FCHSD1: variants seen among roughly 807,000 people sequenced by gnomAD.
FCHSD1 encodes F-BAR and double SH3 domains protein 1.
In FCHSD1, 109 loss-of-function variants were observed where a neutral mutation model predicts 101.3. The ratio of observed to expected loss-of-function variants is 1.08; its 90% CI spans 0.92 to 1.26. The LOEUF is 1.26. Ranked by LOEUF, FCHSD1 falls within the 50% of genes most tolerant of loss-of-function variation. FCHSD1 has a pLI of 0.00. For synonymous variants in FCHSD1, 291 were observed against 356.8 expected, an observed-to-expected ratio of 0.82 and a Z score of 2.08; for missense variants, 820 against 895.8, an observed-to-expected ratio of 0.92 and a Z score of 1.08.
In FCHSD1 at chr5:141,646,729, G is replaced by C; in HGVS notation, c.925-7C>G. The C allele has an allele frequency of 1.2e-6, 2 of 1,611,346 alleles. No homozygotes were observed. Among genetic ancestry groups the C allele is most frequent in the Non-Finnish European group, 1.7e-6 (2 of 1,179,398 alleles). On this transcript the variant is annotated splice_region_variant and splice_polypyrimidine_tract_variant and intron_variant, in intron 10 of 19. Transcript: ENST00000435817. ...CCCACTCCAGGACACACACCTGAAT[G>C]GGTCAGGGGGTGCTGTGAGGAGGAC...
rs1392404505 is a variant in FCHSD1 at position 141,641,561 on chromosome 5, C to T, written c.2010G>A (p.Met670Ile). ...LDMMAPRLRPMRPPPPPPAKA... is the reference protein window; with the variant it reads ...LDMMAPRLRPIRPPPPPPAKA... ...TAGCCGGCGGGGGAGGTGGTGGACG[C>T]ATCTGTAGGGAACACACAGTTAGTG... Residue 670 changes from methionine to isoleucine, a missense_variant and splice_region_variant, in exon 20 of 20, where the codon ATG (methionine) becomes ATA (isoleucine). By Grantham distance (10) the Met-to-Ile change is conservative (BLOSUM62 1). Transcript: ENST00000435817. 2 of 1,554,890 alleles carry T rather than the reference C, an allele frequency of 1.3e-6. No individual in the cohort carries two copies. The highest frequency in any genetic ancestry group is 4.5e-5 in the East Asian group (2 of 44,070).
At position 141,649,042 on chromosome 5, in the gene FCHSD1, G is replaced by A. The variant is rs1165452580; in HGVS notation, c.513-22C>T. 1.2e-6 allele frequency: 2 copies of A among 1,613,864 alleles called. No homozygotes were observed. Among genetic ancestry groups the A allele is most frequent in the East Asian group, 2.2e-5 (1 of 44,888 alleles). ...TAGCCTGTGCAGATGAGAGAAAGGA[G>A]TCAGGCCCACCCCAAGTGGGAGAAT... On this transcript the variant is annotated intron_variant, in intron 6 of 19. Coordinates refer to ENST00000435817, the MANE Select transcript of FCHSD1 (RefSeq NM_033449.3). This position sits in a 1 kb window ranked among gnomAD's most constrained non-coding sequence, Gnocchi z 4.1.
In FCHSD1 at chr5:141,639,610, G is replaced by A. The variant is rs145547239; in HGVS notation, c.*1888C>T. On this transcript the variant is annotated 3_prime_UTR_variant, in exon 20 of 20. Coordinates refer to ENST00000435817, the MANE Select transcript of FCHSD1 (RefSeq NM_033449.3). The surrounding 1 kb of genome is among the most constrained non-coding windows in gnomAD (Gnocchi z 4.4). ...GGACGCTCCAAGGAAGGAAAAAGCC[G>A]CCCCCGGACAGGGGAGACCACTGTG... 2.2e-5 allele frequency: 36 copies of A among 1,613,178 alleles called. No individual in the cohort carries two copies. Among genetic ancestry groups the A allele is most frequent in the East Asian group, 4.5e-5 (2 of 44,860 alleles).
At position 141,646,111 on chromosome 5, in the gene FCHSD1, C is replaced by A. The variant is rs61753289; in HGVS notation, c.1125G>T (p.Val375=). Residue 375 remains valine, a synonymous_variant, in exon 12 of 20, where the codon GTG becomes GTT. Transcript: ENST00000435817. The stretch of plus-strand genomic sequence containing the variant: ...CCTGTGCCCGGCGGATGCTCTCTCG[C>A]ACTTCCTGTAACCTCTGTTCTATGC... ...APSIEQRLQE[V]RESIRRAQVS... 1 of 1,612,204 alleles carries A rather than the reference C, an allele frequency of 6.2e-7. No homozygotes were observed. The highest frequency in any genetic ancestry group is 2.2e-5 in the East Asian group (1 of 44,832).
chr5:141,642,919 A>G, intron 18 of FCHSD1, 82 bp downstream of exon 18: 1 of 1,383,318 alleles, frequency 7.2e-7, no homozygotes, highest in Non-Finnish European at 9.9e-7. Context: ...CACGGAGAGG[A>G]CCAGAGCGTG....
chr5:141,648,885 C>T, intron 7 of FCHSD1, 72 bp downstream of exon 7: 6 of 1,560,894 alleles, frequency 3.8e-6, no homozygotes, highest in East Asian at 4.5e-5. Flanking sequence ...TACATATGCA[C>T]CTATGTTCCA....
At chr5:141,648,136 C>T (rs1436585512) in intron 7 of FCHSD1, 40 bp from the exon 8 acceptor site, 8 of 1,565,376 alleles carry the variant, frequency 5.1e-6, no homozygotes, top group Non-Finnish European at 6.9e-6. Flanking sequence ...GCCCTAGACC[C>T]CCAGAGTCCT....
At chr5:141,650,920 G>T in intron 2 of FCHSD1, 100 bp downstream of exon 2, 1 of 1,161,230 alleles carries the variant, frequency 8.6e-7, no homozygotes. Context: ...CGGCTGGGGA[G>T]CTCTTGGCCC....
intron 14 of FCHSD1, 26 bp downstream of exon 14, chr5:141,644,994 T>C (rs2099907470): frequency 6.2e-7 from 1 of 1,613,668 alleles, no homozygotes; most frequent in Admixed American, 1.7e-5. Context: ...CCCTTGCCCA[T>C]CAGAGGTCCC....
At position 141,643,021 on chromosome 5, in the gene FCHSD1, G is replaced by C; in HGVS notation, c.1931C>G (p.Pro644Arg). Residue 644 changes from proline (P) to arginine (R), a missense_variant, in exon 18 of 20, where the codon CCT becomes CGT. By Grantham distance (103) the Pro-to-Arg change is moderately radical. Coordinates refer to ENST00000435817, the MANE Select transcript of FCHSD1 (RefSeq NM_033449.3). ...PAPTSVLDGPPAPVLPGDKAL... is the reference protein window; with the variant it reads ...PAPTSVLDGPRAPVLPGDKAL... ...CTCACCCCCAGGCAGGACAGGTGCA[G>C]GGGGCCCATCCAACACAGAGGTAGG... 1 of 1,565,590 alleles carries C rather than the reference G, an allele frequency of 6.4e-7. No individual in the cohort carries two copies. Among genetic ancestry groups the C allele is most frequent in the Non-Finnish European group, 8.6e-7 (1 of 1,156,214 alleles).
In FCHSD1 at chr5:141,641,451, G is replaced by A; in HGVS notation, c.*47C>T. On this transcript the variant is annotated 3_prime_UTR_variant, in exon 20 of 20. Coordinates refer to ENST00000435817, the MANE Select transcript of FCHSD1 (RefSeq NM_033449.3). ...CATTGATGGTGTGGTCTGACAGCTT[G>A]AAGATAGGGACAGCAGCATCACTGG... The A allele has an allele frequency of 7.0e-7, 1 of 1,418,914 alleles. No individual in the cohort carries two copies. Among genetic ancestry groups the A allele is most frequent in the Non-Finnish European group, 9.3e-7 (1 of 1,074,924 alleles). The allele number at this position is 1,418,914 out of a possible 1,614,324, so 87.9% of individuals were successfully genotyped here.
intron 17 of FCHSD1, 128 bp from the exon 18 acceptor site, chr5:141,643,216 C>CGGTGG (rs2099907185): frequency 5.5e-6 from 3 of 543,038 alleles, no homozygotes; most frequent in African/African-American, 5.7e-5. Context: ...TGCTTGCATT[C>CGGTGG]GGTGGGGGGG....
chr5:141,649,075 CAG>C lies in FCHSD1; in HGVS notation c.513-57_513-56del. On this transcript the variant is annotated intron_variant, in intron 6 of 19. Transcript: ENST00000435817. This position sits in a 1 kb window ranked among gnomAD's most constrained non-coding sequence, Gnocchi z 4.1. The stretch of plus-strand genomic sequence containing the variant: ...CACCCCAAGTGGGAGAATATGAGAT[CAG>C]AGTCAGGCCCAGCTTTGGTGACTTG... The C allele has an allele frequency of 1.2e-6, 2 of 1,613,956 alleles. No homozygotes were observed. The highest frequency in any genetic ancestry group is 1.7e-6 in the Non-Finnish European group (2 of 1,179,844).
In FCHSD1 at chr5:141,640,372, C is replaced by A. The variant is rs2099906706; in HGVS notation, c.*1126G>T. On this transcript the variant is annotated 3_prime_UTR_variant, in exon 20 of 20. Coordinates refer to ENST00000435817, the MANE Select transcript of FCHSD1 (RefSeq NM_033449.3). ...CTCTGGGGGGCACTGATAGGACCTA[C>A]TCCTGGTCTCTCATTGTTGACCCCT... The A allele has an allele frequency of 6.2e-7, 1 of 1,614,140 alleles. No homozygotes were observed. The highest frequency in any genetic ancestry group is 1.1e-5 in the South Asian group (1 of 91,086).
At position 141,640,895 on chromosome 5, in the gene FCHSD1, C is replaced by T; in HGVS notation, c.*603G>A. 6.9e-6 allele frequency: 4 copies of T among 583,242 alleles called. No individual in the cohort carries two copies. The South Asian group carries it at 8.8e-5, about 13-fold the overall frequency. The allele number at this position is 583,242 out of a possible 1,614,324, so 36.1% of individuals were successfully genotyped here. On this transcript the variant is annotated 3_prime_UTR_variant, in exon 20 of 20. Transcript: ENST00000435817. ...AGGCTGCCTGCCCCGCCTTCCCCAACACCTCGCTCCATATGATAGAGCGTG... is the reference window on the plus strand; with the variant it reads ...AGGCTGCCTGCCCCGCCTTCCCCAATACCTCGCTCCATATGATAGAGCGTG...
chr5:141,649,336 A>C lies in FCHSD1; in HGVS notation c.376-28T>G, dbSNP rs1596467503. The C allele has an allele frequency of 6.2e-7, 1 of 1,613,858 alleles. No individual in the cohort carries two copies. Among genetic ancestry groups the C allele is most frequent in the Non-Finnish European group, 8.5e-7 (1 of 1,179,844 alleles). ...ATTGGGATGCATACACAAAGTCCTTACCTAGACCACCTTTGGTCCCAAGCC... is the reference window on the plus strand; with the variant it reads ...ATTGGGATGCATACACAAAGTCCTTCCCTAGACCACCTTTGGTCCCAAGCC... On this transcript the variant is annotated intron_variant, in intron 5 of 19. Transcript: ENST00000435817. The surrounding 1 kb of genome is among the most constrained non-coding windows in gnomAD (Gnocchi z 4.1).
In FCHSD1 at chr5:141,649,295, A is replaced by C. The variant is rs1279849352; in HGVS notation, c.389T>G (p.Leu130Arg). 5.6e-6 allele frequency: 9 copies of C among 1,613,944 alleles called. No individual in the cohort carries two copies. The highest frequency in any genetic ancestry group is 3.3e-5 in the Admixed American group (2 of 60,022). The change falls in exon 6 of 20, where the codon CTC becomes CGC. Residue 130 changes from leucine (L) to arginine (R), a missense_variant. Transcript: ENST00000435817. This position sits in a 1 kb window ranked among gnomAD's most constrained non-coding sequence, Gnocchi z 4.1. ...CAGCACCTCAGCCTGCGCCCTCTGG[A>C]GGTTCTCTGTTCCCTATTGGGATGC... ...EQVLRKGTEN[L>R]QRAQAEVLQS...
chr5:141,640,162 C>T lies in FCHSD1; in HGVS notation c.*1336G>A. The T allele has an allele frequency of 6.2e-7, 1 of 1,614,172 alleles. No individual in the cohort carries two copies. Among genetic ancestry groups the T allele is most frequent in the Non-Finnish European group, 8.5e-7 (1 of 1,180,004 alleles). ...GGACTCAGGGACAGCAGCCTAACCC[C>T]TCGTGCACTTGAAGGGAACCCCAGA... On this transcript the variant is annotated 3_prime_UTR_variant, in exon 20 of 20. Transcript: ENST00000435817.
At chr5:141,650,096 T>A (rs969531785) in intron 3 of FCHSD1, 142 bp from the exon 4 acceptor site, 5 of 931,192 alleles carry the variant, frequency 5.4e-6, no homozygotes, top group Non-Finnish European at 8.0e-6. Flanking sequence ...TAGTCATTAA[T>A]TTGTTTAATC....
Sources: allele counts gnomAD v4.1 joint callset, GRCh38; gene constraint gnomAD v4.1.1; non-coding constraint Gnocchi (gnomAD v3.1); transcripts MANE v1.5; gene names NCBI Gene and HGNC (gene_info 2026-07-23, HGNC 2026-07-21).